The following FAAP24 variants were observed in gnomAD, a reference collection of about 807,000 sequenced individuals.
FAAP24 encodes the protein Fanconi anemia core complex-associated protein 24.
A neutral mutation model predicts 14.3 loss-of-function variants in FAAP24; 16 were observed. The observed-to-expected ratio is 1.12, with a 90% CI of 0.76 to 1.69. The LOEUF is 1.69. FAAP24 is among the 40% of genes most tolerant of loss of function. The pLI is 0.00. For synonymous variants in FAAP24, 111 were observed against 106.2 expected, an observed-to-expected ratio of 1.04 and a Z score of -0.28; for missense variants, 234 against 262.7, an observed-to-expected ratio of 0.89 and a Z score of 0.75.
intron 4 of FAAP24, 33 bp from the exon 5 acceptor site, chr19:32,976,398 C>T (rs373678962): frequency 4.8e-5 from 76 of 1,580,644 alleles, no homozygotes; most frequent in East Asian, 2.5e-4. Context: ...CTCCAGAGGG[C>T]GCTCACGTGC....
chr19:32,973,297 T>C lies in FAAP24; in HGVS notation c.101T>C (p.Met34Thr), dbSNP rs776179788. ...CGCGGGTCACAGCTGGCGCAGGAGA[T>C]GCAAGGTCGGTGGCCTGCCCTCTGC... is the stretch of plus-strand genomic sequence containing the variant. ...KWRGSQLAQE[M>T]QGKIKLIFED... Residue 34 changes from methionine (M) to threonine (T), a missense_variant, in exon 2 of 5, where the codon ATG becomes ACG. Coordinates refer to ENST00000588258, the MANE Select transcript of FAAP24 (RefSeq NM_152266.5). The C allele has an allele frequency of 3.1e-6, 5 of 1,613,942 alleles. No individual in the cohort carries two copies. Among genetic ancestry groups the C allele is most frequent in the African/African-American group, 2.7e-5 (2 of 74,886 alleles).
At position 32,973,416 on chromosome 19, in the gene FAAP24, G is replaced by A; in HGVS notation, c.107-10G>A. 1.2e-6 allele frequency: 2 copies of A among 1,613,114 alleles called. No individual in the cohort carries two copies. Among genetic ancestry groups the A allele is most frequent in the Non-Finnish European group, 1.7e-6 (2 of 1,179,614 alleles). ...GCTTATGGAACTCATTTTCTTCTCTGTATTTTAAGGGAAAATTAAGCTCAT... is the reference window on the plus strand; with the variant it reads ...GCTTATGGAACTCATTTTCTTCTCTATATTTTAAGGGAAAATTAAGCTCAT... On this transcript the variant is annotated splice_polypyrimidine_tract_variant and intron_variant, in intron 2 of 4. Coordinates refer to ENST00000588258, the MANE Select transcript of FAAP24 (RefSeq NM_152266.5).
chr19:32,976,625 G>A lies in FAAP24; in HGVS notation c.591G>A (p.Gln197=). The A allele has an allele frequency of 1.9e-6, 3 of 1,614,216 alleles. No homozygotes were observed. Among genetic ancestry groups the A allele is most frequent in the Non-Finnish European group, 2.5e-6 (3 of 1,180,040 alleles). ...LSNASIGELE[Q]VVGQAVAQQI... ...ATGCTTCCATTGGGGAACTGGAGCA[G>A]GTGGTCGGACAAGCAGTGGCACAGC... The change falls in exon 5 of 5, where the codon CAG becomes CAA. Residue 197 remains glutamine (Q), a synonymous_variant. Coordinates refer to ENST00000588258, the MANE Select transcript of FAAP24 (RefSeq NM_152266.5).
intron 1 of FAAP24, among the ~76,000 whole-genome samples, chr19:32,972,612 C>T (rs190613423): frequency 1.6e-3 from 238 of 152,110 alleles, no homozygotes; most frequent in African/African-American, 5.3e-3. Flanking sequence ...GATCGTGCCT[C>T]TGGCCTTATT....
intron 4 of FAAP24, among the ~76,000 whole-genome samples, chr19:32,975,757 C>T (rs563778026): frequency 2.0e-4 from 30 of 152,322 alleles, no homozygotes; most frequent in African/African-American, 6.0e-4. Flanking sequence ...CGCGCCCGGC[C>T]GCCAACACTT....
In FAAP24 at chr19:32,976,444, C is replaced by G; in HGVS notation, c.410C>G (p.Thr137Ser). ...CLVIQLVQEQ[T>S]KEPSKNPLLG... ...ATTGTGGTTCAGGTTCAAGAGCAAA[C>G]CAAAGAGCCCAGTAAGAACCCTCTT... The change falls in exon 5 of 5, where the codon ACC (threonine) becomes AGC (serine). Residue 137 changes from threonine to serine, a missense_variant. Coordinates refer to ENST00000588258, the MANE Select transcript of FAAP24 (RefSeq NM_152266.5). 1 of 1,613,776 alleles carries G rather than the reference C, an allele frequency of 6.2e-7. No individual in the cohort carries two copies. Among genetic ancestry groups the G allele is most frequent in the Non-Finnish European group, 8.5e-7 (1 of 1,179,794 alleles).
At chr19:32,972,712 TTTC>T (rs1370386107) in intron 1 of FAAP24, among the ~76,000 whole-genome samples, 61 of 93,342 alleles carry the variant, frequency 6.5e-4, no homozygotes, top group Non-Finnish European at 1.1e-3. Context: ...TTCTTTTTCT[TTTC>T]TTTTTTTTTT....
intron 4 of FAAP24, among the ~76,000 whole-genome samples, chr19:32,974,771 G>A (rs564384469): frequency 8.5e-5 from 13 of 152,122 alleles, no homozygotes; most frequent in East Asian, 5.8e-4. Flanking sequence ...CAACAGGAGC[G>A]AAACTTTGTC....
At chr19:32,972,880 A>AT (rs947930064) in intron 1 of FAAP24, among the ~76,000 whole-genome samples, 2 of 151,148 alleles carry the variant, frequency 1.3e-5, no homozygotes, top group Non-Finnish European at 3.0e-5. Flanking sequence ...AGCCCGGCTA[A>AT]TTTTTTTGTA....
chr19:32,974,801 A>T (rs1177714087), intron 4 of FAAP24, among the ~76,000 whole-genome samples: 1 of 152,134 alleles, frequency 6.6e-6, no homozygotes, highest in African/African-American at 2.4e-5. Flanking sequence ...GAAAGAAAGA[A>T]AGAAAATGTT....
chr19:32,972,341 G>T lies in FAAP24; in HGVS notation c.-19G>T, dbSNP rs34723366. On this transcript the variant is annotated 5_prime_UTR_variant, in exon 1 of 5. Transcript: ENST00000588258. ...TTCGGGCCTTGGACTGGACTGAGAA[G>T]CTACGGTGCGGATCCAGCTGGGGTA... 0.18 allele frequency: 74,264 copies of T among 405,418 alleles called. 7,116 individuals carry two copies. Among genetic ancestry groups the T allele is most frequent in the African/African-American group, 0.21 (10,273 of 48,878 alleles). The allele number at this position is 405,418 out of a possible 1,614,324, so 25.1% of individuals were successfully genotyped here.
Position 32,976,932 on chromosome 19 carries a change from T to C in FAAP24, c.*250T>C. ...GACAGGTGCCTGTAATCCCAGCTAC[T>C]TGGGAGGCCGAGGCATGAGAATCAC... On this transcript the variant is annotated 3_prime_UTR_variant, in exon 5 of 5. Transcript: ENST00000588258. The C allele has an allele frequency of 1.9e-6, 1 of 540,528 alleles. No homozygotes were observed. Among genetic ancestry groups the C allele is most frequent in the Non-Finnish European group, 3.2e-6 (1 of 309,100 alleles). The allele number at this position is 540,528 out of a possible 1,614,324, so 33.5% of individuals were successfully genotyped here.
At chr19:32,976,388 C>T in intron 4 of FAAP24, 43 bp from the exon 5 acceptor site, 1 of 1,568,434 alleles carries the variant, frequency 6.4e-7, no homozygotes, top group South Asian at 1.2e-5. Flanking sequence ...ACGGCCAGTC[C>T]TCCAGAGGGC....
At position 32,976,451 on chromosome 19, in the gene FAAP24, G is replaced by T; in HGVS notation, c.417G>T (p.Glu139Asp). 6.2e-7 allele frequency: 1 copy of T among 1,613,728 alleles called. No individual in the cohort carries two copies. Among genetic ancestry groups the T allele is most frequent in the South Asian group, 1.1e-5 (1 of 91,076 alleles). The change falls in exon 5 of 5, where the codon GAG (glutamate) becomes GAT (aspartate). Residue 139 changes from glutamate to aspartate, a missense_variant. By Grantham distance (45) the Glu-to-Asp change is conservative. Coordinates refer to ENST00000588258, the MANE Select transcript of FAAP24 (RefSeq NM_152266.5). Reference protein sequence around the residue: ...VIQLVQEQTKEPSKNPLLGKK... With the variant: ...VIQLVQEQTKDPSKNPLLGKK... ...TTCAGGTTCAAGAGCAAACCAAAGA[G>T]CCCAGTAAGAACCCTCTTCTCGGGA...
intron 4 of FAAP24, among the ~76,000 whole-genome samples, chr19:32,975,342 G>A (rs1971502469): frequency 6.7e-6 from 1 of 148,968 alleles, no homozygotes; most frequent in African/African-American, 2.5e-5. Context: ...GCTAATTTTT[G>A]TATTTTTAGT....
Position 32,973,164 on chromosome 19 carries a change from C to A in FAAP24, c.-13-20C>A. 5 of 1,603,662 alleles carry A rather than the reference C, an allele frequency of 3.1e-6. No homozygotes were observed. The highest frequency in any genetic ancestry group is 4.3e-6 in the Non-Finnish European group (5 of 1,172,966). On this transcript the variant is annotated intron_variant, in intron 1 of 4. Coordinates refer to ENST00000588258, the MANE Select transcript of FAAP24 (RefSeq NM_152266.5). ...TGCAGGAGAGCCTGCTCAAGTGCCG[C>A]CTGGCTTTTCCCTCCTTAGGTGGAG...
rs776739879 is a variant in FAAP24, at chr19:32,973,439, C to T, written c.120C>T (p.Leu40=). ...CTGTATTTTAAGGGAAAATTAAGCT[C>T]ATTTTCGAGGATGGCTTGACACCAG... is the stretch of plus-strand genomic sequence containing the variant. ...LAQEMQGKIK[L]IFEDGLTPDF... is the part of the protein sequence containing the mutation. Residue 40 remains leucine, a synonymous_variant, in exon 3 of 5, where the codon CTC becomes CTT. Coordinates refer to ENST00000588258, the MANE Select transcript of FAAP24 (RefSeq NM_152266.5). 1.2e-6 allele frequency: 2 copies of T among 1,614,064 alleles called. No individual in the cohort carries two copies. The highest frequency in any genetic ancestry group is 8.5e-7 in the Non-Finnish European group (1 of 1,179,952).
At chr19:32,972,710 C>CTTTTTTTTTTTTTTTTTTTTTTT (rs377681596) in intron 1 of FAAP24, among the ~76,000 whole-genome samples, 1 of 128,562 alleles carries the variant, frequency 7.8e-6, no homozygotes, top group Non-Finnish European at 1.6e-5. Context: ...TTTTCTTTTT[C>CTTTTTTTTTTTTTTTTTTTTTTT]TTTTCTTTTT....
At chr19:32,973,067 T>C in intron 1 of FAAP24, 117 bp from the exon 2 acceptor site, 1 of 729,392 alleles carries the variant, frequency 1.4e-6, no homozygotes, top group Non-Finnish European at 2.3e-6. Context: ...GACAGTTCTT[T>C]GACAAATAAT....
Sources: gnomAD v4.1 joint callset for allele counts (sites outside exome capture counted in the v4.1 genomes callset) on GRCh38, gnomAD v4.1.1 for gene constraint, MANE v1.5 for transcripts, NCBI Gene and HGNC (gene_info 2026-07-23, HGNC 2026-07-21) for gene names.